The following TBC1D22B variants were observed in gnomAD, a reference collection of about 807,000 sequenced individuals.
The protein encoded by TBC1D22B is chromosome 6 open reading frame 197.
TBC1D22B carries 32 observed loss-of-function variants against 69.1 expected under a neutral mutation model. The observed-to-expected ratio is 0.46, with a 90% confidence interval of 0.35 to 0.62. The LOEUF (loss-of-function observed/expected upper bound fraction) is 0.62, where lower values mean the gene tolerates loss of function less well. Among genes scored for constraint, TBC1D22B ranks in the 20% least tolerant of loss-of-function variants. The probability of loss-of-function intolerance (pLI) is 0.00; values close to 1 mark genes in which losing one functional copy is unlikely to be tolerated. For synonymous variants in TBC1D22B, 206 were observed against 229.8 expected (o/e 0.90, Z 0.94); for missense variants, 462 against 630.9 (o/e 0.73, Z 2.87).
rs541163495 is a variant in TBC1D22B, at chr6:37,327,172, C to T, written c.1390-3872C>T. Among the ~76,000 whole-genome samples, 82 of 151,646 alleles carry T rather than the reference C, an allele frequency of 5.4e-4. 1 individual carries two copies. The South Asian group carries it at 0.016, about 30-fold the overall frequency. ...GGCATGTAGTATGGTCCAAGGTCAA[C>T]ATTTTAAAAAATAAGTTGAGATAGG... On this transcript the variant is annotated intron_variant, in intron 12 of 12. Transcript: ENST00000373491.
intron 8 of TBC1D22B, among the ~76,000 whole-genome samples, chr6:37,309,588 G>T (rs1177842968): frequency 1.3e-5 from 2 of 152,154 alleles, no homozygotes; most frequent in Non-Finnish European, 2.9e-5. Flanking sequence ...GGGAGCTGCT[G>T]CCTAGGATGG....
intron 2 of TBC1D22B, among the ~76,000 whole-genome samples, chr6:37,275,303 T>C (rs922873562): frequency 1.3e-5 from 2 of 152,210 alleles, no homozygotes; most frequent in Non-Finnish European, 2.9e-5. Flanking sequence ...ATAGGCTATG[T>C]GTGTCAGACC....
intron 2 of TBC1D22B, among the ~76,000 whole-genome samples, chr6:37,274,527 G>A (rs1032946236): frequency 6.6e-6 from 1 of 151,940 alleles, no homozygotes; most frequent in Non-Finnish European, 1.5e-5. Flanking sequence ...TTTCTTTGCC[G>A]CTTACCATTT....
At chr6:37,277,780 T>C (rs73419885) in intron 2 of TBC1D22B, among the ~76,000 whole-genome samples, 4,844 of 152,166 alleles carry the variant, frequency 0.032, 244 homozygotes, top group African/African-American at 0.11. Context: ...TCAAATAGTC[T>C]TGTTTTAAGA....
chr6:37,292,713 G>A (rs976646589), intron 8 of TBC1D22B, among the ~76,000 whole-genome samples: 7 of 152,180 alleles, frequency 4.6e-5, no homozygotes, highest in African/African-American at 1.7e-4. Context: ...TGTTATGCCA[G>A]TTAAAAATAA....
intron 8 of TBC1D22B, among the ~76,000 whole-genome samples, chr6:37,303,261 C>T (rs1767619219): frequency 6.6e-6 from 1 of 152,154 alleles, no homozygotes. Context: ...TTAGGCTCCT[C>T]AGACTCGGTG....
intron 12 of TBC1D22B, among the ~76,000 whole-genome samples, chr6:37,327,836 C>T (rs1036959840): frequency 3.3e-5 from 5 of 151,882 alleles, no homozygotes; most frequent in African/African-American, 1.2e-4. Flanking sequence ...TGCACTCCTC[C>T]GGGGGTTCAC....
In TBC1D22B at chr6:37,318,906, G is replaced by C. The variant is rs112281072; in HGVS notation, c.1389+1700G>C. Reference sequence around the variant, plus strand: ...TCTGAACTGAGAGGTTTTTTGGTTTGTTTGTTTTTAATAGGTATATACCTC... The same window carrying C: ...TCTGAACTGAGAGGTTTTTTGGTTTCTTTGTTTTTAATAGGTATATACCTC... On this transcript the variant is annotated intron_variant, in intron 12 of 12. Coordinates refer to ENST00000373491, the MANE Select transcript of TBC1D22B (RefSeq NM_017772.4). 6.7e-3 allele frequency among the ~76,000 whole-genome samples: 1,026 copies of C among 152,232 alleles called. 6 individuals are homozygous for C. Among genetic ancestry groups the C allele is most frequent in the African/African-American group, 0.023 (952 of 41,530 alleles).
In TBC1D22B at chr6:37,331,028, C is replaced by G. The variant is rs1443926662; in HGVS notation, c.1390-16C>G. ...TACGGTCTGGTATGATATAAAAGTC[C>G]TTTCTTGCATTCCAGGGTCTCCTCA... is the stretch of plus-strand genomic sequence containing the variant. On this transcript the variant is annotated splice_polypyrimidine_tract_variant and intron_variant, in intron 12 of 12. Coordinates refer to ENST00000373491, the MANE Select transcript of TBC1D22B (RefSeq NM_017772.4). 6.2e-7 allele frequency: 1 copy of G among 1,613,744 alleles called. No individual in the cohort carries two copies. The highest frequency in any genetic ancestry group is 1.1e-5 in the South Asian group (1 of 91,062).
chr6:37,277,086 C>T lies in TBC1D22B; in HGVS notation c.114-2218C>T, dbSNP rs1435904812. ...TCTCCCTGTAGTGTGTTCATCCGGT[C>T]CTGGTGTGCGTGTGTGTCACCCTGT... On this transcript the variant is annotated intron_variant, in intron 2 of 12. Transcript: ENST00000373491. 3.3e-5 allele frequency among the ~76,000 whole-genome samples: 5 copies of T among 152,074 alleles called. 1 individual carries two copies. Among genetic ancestry groups the T allele is most frequent in the South Asian group, 4.1e-4 (2 of 4,820 alleles).
chr6:37,268,010 A>G (rs441745), intron 1 of TBC1D22B, among the ~76,000 whole-genome samples: 139,317 of 152,188 alleles, frequency 0.92, 63,881 homozygotes, highest in African/African-American at 0.98. Context: ...AGACCTAGTC[A>G]TAAGGTTGGA....
chr6:37,313,827 C>G lies in TBC1D22B; in HGVS notation c.1101C>G (p.Thr367=), dbSNP rs139856877. 18 of 1,614,016 alleles carry G rather than the reference C, an allele frequency of 1.1e-5. No homozygotes were observed. In the African/African-American group the frequency reaches 2.4e-4, roughly 22 times the overall value. Residue 367 remains threonine (T), a synonymous_variant, in exon 10 of 13, where the codon ACC becomes ACG. Transcript: ENST00000373491. The stretch of plus-strand genomic sequence containing the variant: ...TGTGTCATTTGCAGGATAACTACAC[C>G]TTTGCACAACCAGGAATCCAGAAGA... The part of the protein sequence containing the change: ...KLLDGIQDNY[T]FAQPGIQKKV...
intron 10 of TBC1D22B, among the ~76,000 whole-genome samples, chr6:37,314,527 TCCTCAGCTTTGG>T (rs1249873844): frequency 6.6e-6 from 1 of 152,176 alleles, no homozygotes; most frequent in Non-Finnish European, 1.5e-5. Flanking sequence ...TTACAGGAAT[TCCTCAGCTTTGG>T]CCTAGAGTCA....
At chr6:37,275,780 A>G (rs1390477380) in intron 2 of TBC1D22B, among the ~76,000 whole-genome samples, 1 of 152,076 alleles carries the variant, frequency 6.6e-6, no homozygotes, top group Non-Finnish European at 1.5e-5. Context: ...ATTTATATGT[A>G]TTTATTTGTG....
chr6:37,260,672 C>G (rs1322579939), intron 1 of TBC1D22B, among the ~76,000 whole-genome samples: 2 of 152,164 alleles, frequency 1.3e-5, no homozygotes, highest in African/African-American at 4.8e-5. Context: ...ACCCTGGTAA[C>G]TACTAACCTA....
chr6:37,318,130 G>C (rs565811095), intron 12 of TBC1D22B, among the ~76,000 whole-genome samples: 3 of 152,328 alleles, frequency 2.0e-5, no homozygotes, highest in African/African-American at 7.2e-5. Context: ...GTGTGGGCAA[G>C]AGTGGAAGCA....
intron 1 of TBC1D22B, among the ~76,000 whole-genome samples, chr6:37,267,936 A>AT (rs1466821335): frequency 1.3e-5 from 2 of 152,018 alleles, no homozygotes; most frequent in African/African-American, 4.8e-5. Context: ...TCATTTGTCC[A>AT]TTTTTTCCTC....
Position 37,282,278 on chromosome 6 carries a change from C to T in TBC1D22B, c.515C>T (p.Ala172Val), listed in dbSNP as rs368491845. The change falls in exon 4 of 13, where the codon GCT becomes GTT. Residue 172 changes from alanine to valine, a missense_variant. This residue lies in a region of TBC1D22B where 237 missense variants were observed against 255.4 expected (regional missense o/e 0.93). Transcript: ENST00000373491. ...GTTGCCCGGATCTCGGATCAGAACG[C>T]TTCTGGGGCCCCCCCAATGACTGTC... ...PLVARISDQN[A>V]SGAPPMTVRE... 7.2e-5 allele frequency: 116 copies of T among 1,614,074 alleles called. No individual in the cohort carries two copies. Among genetic ancestry groups the T allele is most frequent in the Non-Finnish European group, 8.4e-5 (99 of 1,180,040 alleles).
chr6:37,314,793 AT>A (rs1434284722), intron 10 of TBC1D22B, among the ~76,000 whole-genome samples: 1 of 110,750 alleles, frequency 9.0e-6, no homozygotes, highest in Admixed American at 1.2e-4. Context: ...CACCCCCAAC[AT>A]TGTATATCTT....
Sources: allele counts gnomAD v4.1 joint callset (sites outside exome capture counted in the v4.1 genomes callset), GRCh38; gene constraint gnomAD v4.1.1; regional missense constraint gnomAD v4.1.1; transcripts MANE v1.5; gene names NCBI Gene and HGNC (gene_info 2026-07-23, HGNC 2026-07-21).